Variants in WNT11 observed in about 807,000 individuals in gnomAD.
WNT11 encodes the protein Wnt family member 11.
In WNT11, 20 loss-of-function variants were observed where a neutral mutation model predicts 35.6. The ratio of observed to expected loss-of-function variants is 0.56; its 90% confidence interval spans 0.40 to 0.82. WNT11 has a LOEUF of 0.82. Ranked by LOEUF, WNT11 falls within the 40% of genes least tolerant of loss-of-function variation. The probability of loss-of-function intolerance (pLI) is 0.00; values close to 1 mark genes in which losing one functional copy is unlikely to be tolerated. For missense variants in WNT11, 459 were observed against 504.4 expected, an observed-to-expected ratio of 0.91 and a Z score of 0.86; for synonymous variants, 200 against 211.9, an observed-to-expected ratio of 0.94 and a Z score of 0.49.
chr11:76,194,798 G>A lies in WNT11; in HGVS notation c.366C>T (p.Ile122=), dbSNP rs1374778845. 1.2e-5 allele frequency: 19 copies of A among 1,550,404 alleles called. No individual in the cohort carries two copies. Among genetic ancestry groups the A allele is most frequent in the African/African-American group, 2.7e-5 (2 of 73,282 alleles). ...TGCAGGCCCGGGCGATGGCGTGGCTGATGGCGGCGGCCGACAGCGCATACA... is the reference window on the plus strand; with the variant it reads ...TGCAGGCCCGGGCGATGGCGTGGCTAATGGCGGCGGCCGACAGCGCATACA... ...AFVYALSAAA[I]SHAIARACTS... The change falls in exon 3 of 5, where the codon ATC becomes ATT. Residue 122 remains isoleucine (I), a synonymous_variant. Transcript: ENST00000322563. The surrounding 1 kb of genome is among the most constrained non-coding windows in gnomAD (Gnocchi z 5.4).
upstream of WNT11, among the ~76,000 whole-genome samples, chr11:76,209,490 C>A (rs1478833146): frequency 6.6e-6 from 1 of 152,172 alleles, no homozygotes; most frequent in Non-Finnish European, 1.5e-5. Flanking sequence ...AAGGTCGGCA[C>A]GGGCGGGTCC....
Position 76,194,447 on chromosome 11 carries a change from G to T in WNT11, c.597+120C>A. On this transcript the variant is annotated intron_variant, in intron 3 of 4. Transcript: ENST00000322563. The surrounding 1 kb of genome is among the most constrained non-coding windows in gnomAD (Gnocchi z 5.4). ...GATGAGGATGGTGCGAGGCACATCA[G>T]GTGTGGGCCAGTCAGGGCCCGTCCC... The T allele has an allele frequency of 1.7e-6, 2 of 1,194,018 alleles. No homozygotes were observed. The highest frequency in any genetic ancestry group is 1.6e-5 in the South Asian group (1 of 64,212). 74.0% of individuals were successfully genotyped at this position (1,194,018 alleles called of 1,614,324 possible). A position where few individuals can be genotyped will look rare whatever the true frequency, so the allele number is the denominator to read the frequency against.
chr11:76,210,624 G>A (rs1317921886), upstream of WNT11: 1 of 985,174 alleles, frequency 1.0e-6, no homozygotes, highest in Non-Finnish European at 1.2e-6. Context: ...AAGGACGCCG[G>A]GGATCCTGGC....
At chr11:76,187,298 C>A in intron 4 of WNT11, 59 bp from the exon 5 acceptor site, 1 of 1,518,530 alleles carries the variant, frequency 6.6e-7, no homozygotes, top group South Asian at 1.2e-5. Context: ...CACCAACACC[C>A]CATGACTCCC....
chr11:76,201,545 G>C lies in WNT11; in HGVS notation c.83+4780C>G, dbSNP rs114916057. On this transcript the variant is annotated intron_variant, in intron 1 of 4. Transcript: ENST00000322563. Reference sequence around the variant, plus strand: ...TCGGTTTATCTGGGGGTGGGGGCCTGGGGGAGAGGGTGGAAGAAAGGACAG... The same window carrying C: ...TCGGTTTATCTGGGGGTGGGGGCCTCGGGGAGAGGGTGGAAGAAAGGACAG... 6.4e-3 allele frequency among the ~76,000 whole-genome samples: 973 copies of C among 152,286 alleles called. 9 individuals carry two copies. The highest frequency in any genetic ancestry group is 0.023 in the African/African-American group (937 of 41,544).
Position 76,194,478 on chromosome 11 carries a change from AC to A in WNT11, c.597+88del, listed in dbSNP as rs1317440846. 5.7e-6 allele frequency: 8 copies of A among 1,391,952 alleles called. No homozygotes were observed. Among genetic ancestry groups the A allele is most frequent in the Non-Finnish European group, 7.5e-6 (8 of 1,069,444 alleles). The allele number at this position is 1,391,952 out of a possible 1,614,324, so 86.2% of individuals were successfully genotyped here. A position where few individuals can be genotyped will look rare whatever the true frequency, so the allele number is the denominator to read the frequency against. On this transcript the variant is annotated intron_variant, in intron 3 of 4. Transcript: ENST00000322563. The surrounding 1 kb of genome is among the most constrained non-coding windows in gnomAD (Gnocchi z 5.4). Reference sequence around the variant, plus strand: ...GGCCAGTCAGGGCCCGTCCCCCCGCACCCCCCACCACTGGGGCAAGCTGGGT... The same window carrying A: ...GGCCAGTCAGGGCCCGTCCCCCCGCACCCCCACCACTGGGGCAAGCTGGGT...
chr11:76,210,168 G>A (rs1953543268), upstream of WNT11, among the ~76,000 whole-genome samples: 2 of 151,834 alleles, frequency 1.3e-5, no homozygotes, highest in Non-Finnish European at 2.9e-5. Context: ...GGGTGCGGGG[G>A]CAGAAGAGGG....
chr11:76,190,713 C>G (rs79996640), intron 4 of WNT11: 2,581 of 152,358 alleles, frequency 0.017, 28 homozygotes, highest in Non-Finnish European at 0.023. Flanking sequence ...GAAACACTGG[C>G]TTAAACAGAT....
At chr11:76,200,432 G>A (rs1953357034) in intron 1 of WNT11, among the ~76,000 whole-genome samples, 1 of 152,182 alleles carries the variant, frequency 6.6e-6, no homozygotes, top group South Asian at 2.1e-4. Flanking sequence ...TGTGTTTCCC[G>A]GTTGTCAACA....
chr11:76,209,870 G>A (rs1953534673), upstream of WNT11, among the ~76,000 whole-genome samples: 1 of 151,634 alleles, frequency 6.6e-6, no homozygotes, highest in South Asian at 2.1e-4. Flanking sequence ...ATGTGCCTCG[G>A]GGCCGGGGAC....
At chr11:76,199,421 A>C (rs1953339576) in intron 1 of WNT11, among the ~76,000 whole-genome samples, 1 of 151,874 alleles carries the variant, frequency 6.6e-6, no homozygotes. Context: ...ACAGTGAACT[A>C]TGATTACACT....
intron 1 of WNT11, among the ~76,000 whole-genome samples, chr11:76,199,474 T>TAAAA (rs10622676): frequency 1.4e-5 from 2 of 143,428 alleles, no homozygotes; most frequent in Non-Finnish European, 3.1e-5. Context: ...CTTGTCTACT[T>TAAAA]AAAAAAAAAA....
intron 1 of WNT11, among the ~76,000 whole-genome samples, chr11:76,198,852 C>T (rs1239538753): frequency 6.6e-6 from 1 of 152,152 alleles, no homozygotes; most frequent in East Asian, 1.9e-4. Context: ...AATGATAAGG[C>T]CAGGCGCGGT....
intron 1 of WNT11, among the ~76,000 whole-genome samples, chr11:76,197,703 C>T (rs948007): frequency 0.11 from 16,081 of 152,088 alleles, 1,058 homozygotes; most frequent in Non-Finnish European, 0.15. Flanking sequence ...CTGGTGGGTC[C>T]CTATGAACCC....
chr11:76,210,647 G>C (rs1399606429), upstream of WNT11: 9 of 985,170 alleles, frequency 9.1e-6, no homozygotes, highest in Non-Finnish European at 1.1e-5. Flanking sequence ...GCTGCGGCCG[G>C]CTCAGGACCC....
At chr11:76,203,936 T>C (rs747716743) in intron 1 of WNT11, among the ~76,000 whole-genome samples, 4 of 152,216 alleles carry the variant, frequency 2.6e-5, no homozygotes, top group Non-Finnish European at 2.9e-5. Flanking sequence ...CTGCCTCTAC[T>C]ACCTCTGAGC....
At position 76,195,643 on chromosome 11, in the gene WNT11, C is replaced by T. The variant is rs555670371; in HGVS notation, c.320-799G>A. ...AGTTGTGGCCCATTGGACAGCAGCC[C>T]TGGGAAACGAATACGGCACTCAGGA... On this transcript the variant is annotated intron_variant, in intron 2 of 4. Coordinates refer to ENST00000322563, the MANE Select transcript of WNT11 (RefSeq NM_004626.3). Among the ~76,000 whole-genome samples the T allele has an allele frequency of 5.9e-5, 9 of 152,284 alleles. No individual in the cohort carries two copies. In the East Asian group the frequency reaches 1.7e-3, roughly 29 times the overall value.
intron 3 of WNT11, 48 bp from the exon 4 acceptor site, chr11:76,191,904 G>A: frequency 6.4e-7 from 1 of 1,552,122 alleles, no homozygotes; most frequent in Non-Finnish European, 8.7e-7. Context: ...TCCCCTCCCT[G>A]GCCTGACCCG....
At chr11:76,206,651 G>C (rs1953480981), upstream of WNT11, 10 of 849,078 alleles carry the variant, frequency 1.2e-5, no homozygotes, top group Non-Finnish European at 1.5e-5. Context: ...CGCGTCCCGC[G>C]CCTGGCTCGA....
Sources: allele counts gnomAD v4.1 joint callset (sites outside exome capture counted in the v4.1 genomes callset), GRCh38; gene constraint gnomAD v4.1.1; non-coding constraint Gnocchi (gnomAD v3.1); transcripts MANE v1.5; gene names NCBI Gene and HGNC (gene_info 2026-07-23, HGNC 2026-07-21).